The following SOHLH2 variants were observed in gnomAD, a reference collection of about 807,000 sequenced individuals.
SOHLH2 encodes spermatogenesis and oogenesis specific basic helix-loop-helix 2, also known as spermatogenesis- and oogenesis-specific basic helix-loop-helix-containing protein 2.
In SOHLH2, 22 loss-of-function variants were observed where a neutral mutation model predicts 50.4. That is an observed-to-expected ratio of 0.44 (90% CI 0.31 to 0.62). SOHLH2 has a LOEUF of 0.62. Ranked by LOEUF, SOHLH2 falls within the 20% of genes least tolerant of loss-of-function variation. The pLI, the probability that SOHLH2 is intolerant of heterozygous loss-of-function variation, is 0.08. For missense variants in SOHLH2, 412 were observed against 504.4 expected (o/e 0.82, Z 1.76); for synonymous variants, 185 against 187.3 (o/e 0.99, Z 0.10).
At position 36,169,005 on chromosome 13, in the gene SOHLH2, T is replaced by C; in HGVS notation, c.*29A>G. On this transcript the variant is annotated 3_prime_UTR_variant, in exon 11 of 11. Coordinates refer to ENST00000379881, the MANE Select transcript of SOHLH2 (RefSeq NM_017826.3). Reference sequence around the variant, plus strand: ...TTGTCAAACTGCGCCCAGTAGGTGGTTGAGAGTGTGAATTTCAAACATGTG... The same window carrying C: ...TTGTCAAACTGCGCCCAGTAGGTGGCTGAGAGTGTGAATTTCAAACATGTG... 4 of 1,604,054 alleles carry C rather than the reference T, an allele frequency of 2.5e-6. No individual in the cohort carries two copies. The highest frequency in any genetic ancestry group is 3.4e-6 in the Non-Finnish European group (4 of 1,176,956).
chr13:36,173,561 C>T (rs1014483324), intron 9 of SOHLH2, 131 bp downstream of exon 9: 3 of 1,055,166 alleles, frequency 2.8e-6, no homozygotes, highest in African/African-American at 3.2e-5. Context: ...GTACCTGAGG[C>T]TGACAATACC....
chr13:36,173,546 C>A, intron 9 of SOHLH2, 146 bp downstream of exon 9: 1 of 924,296 alleles, frequency 1.1e-6, no homozygotes, highest in Non-Finnish European at 1.6e-6. Context: ...CTGTAGCCAC[C>A]TTGTGTACCT....
chr13:36,197,851 C>T, intron 2 of SOHLH2, among the ~76,000 whole-genome samples: 1 of 152,180 alleles, frequency 6.6e-6, no homozygotes, highest in East Asian at 1.9e-4. Flanking sequence ...TTATAAAGAC[C>T]TGGAGTTGTC....
chr13:36,188,604 G>T (rs537814724), intron 6 of SOHLH2, among the ~76,000 whole-genome samples: 1 of 152,226 alleles, frequency 6.6e-6, no homozygotes, highest in South Asian at 2.1e-4. Context: ...AACCTTACTT[G>T]ATCTCTCTGC....
chr13:36,209,781 T>C (rs1001423698), intron 1 of SOHLH2, among the ~76,000 whole-genome samples: 1 of 152,228 alleles, frequency 6.6e-6, no homozygotes, highest in East Asian at 1.9e-4. Context: ...TGTCAATCCT[T>C]TGTTTCCAAA....
At chr13:36,211,911 C>G (rs948544085) in intron 1 of SOHLH2, among the ~76,000 whole-genome samples, 3 of 152,084 alleles carry the variant, frequency 2.0e-5, no homozygotes, top group Non-Finnish European at 4.4e-5. Context: ...TCACAGTGCT[C>G]AGGAAACAGG....
intron 2 of SOHLH2, among the ~76,000 whole-genome samples, chr13:36,201,408 A>C (rs1868408263): frequency 6.6e-6 from 1 of 152,202 alleles, no homozygotes; most frequent in South Asian, 2.1e-4. Context: ...ATAATTCCTT[A>C]TAATAAAATA....
intron 1 of SOHLH2, among the ~76,000 whole-genome samples, chr13:36,207,110 TAC>T (rs1300170168): frequency 1.3e-5 from 2 of 152,032 alleles, no homozygotes; most frequent in Admixed American, 1.3e-4. Context: ...TAATTGAATT[TAC>T]AGTTTTTACA....
intron 2 of SOHLH2, among the ~76,000 whole-genome samples, chr13:36,201,071 AG>A (rs368106450): frequency 6.8e-6 from 1 of 147,662 alleles, no homozygotes; most frequent in Admixed American, 6.8e-5. Context: ...AAAAAAAAAA[AG>A]AAAAGAAAAG....
Position 36,168,842 on chromosome 13 carries a change from G to T in SOHLH2, c.*192C>A. 1 of 910,872 alleles carries T rather than the reference G, an allele frequency of 1.1e-6. No individual in the cohort carries two copies. The highest frequency in any genetic ancestry group is 1.5e-6 in the Non-Finnish European group (1 of 652,768). The allele number at this position is 910,872 out of a possible 1,614,324, so 56.4% of individuals were successfully genotyped here. A position where few individuals can be genotyped will look rare whatever the true frequency, so the allele number is the denominator to read the frequency against. On this transcript the variant is annotated 3_prime_UTR_variant, in exon 11 of 11. Transcript: ENST00000379881. ...GTATGAAGATGAGTGACAGTGTGTG[G>T]CCAGCTTTTTCGCTGCTGGTCTTTC...
At chr13:36,207,713 C>T (rs1445227608) in intron 1 of SOHLH2, among the ~76,000 whole-genome samples, 2 of 152,138 alleles carry the variant, frequency 1.3e-5, no homozygotes, top group Non-Finnish European at 2.9e-5. Context: ...CTCGTGTCTC[C>T]TAGTTTCTTC....
chr13:36,174,139 C>A (rs1181486249), intron 8 of SOHLH2, among the ~76,000 whole-genome samples: 1 of 152,174 alleles, frequency 6.6e-6, no homozygotes, highest in African/African-American at 2.4e-5. Flanking sequence ...GGGCCCGAGA[C>A]CTCTCCACAA....
chr13:36,188,424 G>A (rs908534661), intron 6 of SOHLH2, among the ~76,000 whole-genome samples: 9 of 152,036 alleles, frequency 5.9e-5, no homozygotes, highest in East Asian at 3.9e-4. Context: ...TCAAAATCTC[G>A]TACTTTACCC....
At chr13:36,188,934 T>C (rs1213567569) in intron 6 of SOHLH2, among the ~76,000 whole-genome samples, 1 of 152,156 alleles carries the variant, frequency 6.6e-6, no homozygotes, top group African/African-American at 2.4e-5. Context: ...GGGCCAACTC[T>C]GCACTCCAAG....
chr13:36,214,412 G>T (rs890363340), intron 1 of SOHLH2, 67 bp downstream of exon 1: 95 of 1,562,248 alleles, frequency 6.1e-5, no homozygotes, highest in Non-Finnish European at 7.9e-5. Flanking sequence ...GGGCCGAGGG[G>T]ACCACCGACC....
At position 36,201,946 on chromosome 13, in the gene SOHLH2, T is replaced by C. The variant is rs779876860; in HGVS notation, c.196A>G (p.Asn66Asp). ...GAAGGCACCTTCAAGAGAACCATGT[T>C]GAATATGCAATCATCCAAAAGCGCT... ...AAALLDDCIFNMVLLKVPSSL... is the reference protein window; with the variant it reads ...AAALLDDCIFDMVLLKVPSSL... The change falls in exon 2 of 11, where the codon AAC becomes GAC. Residue 66 changes from asparagine (N) to aspartate (D), a missense_variant. By Grantham distance (23) the Asn-to-Asp change is conservative. Coordinates refer to ENST00000379881, the MANE Select transcript of SOHLH2 (RefSeq NM_017826.3). The C allele has an allele frequency of 1.9e-6, 3 of 1,614,232 alleles. No homozygotes were observed. The highest frequency in any genetic ancestry group is 2.2e-5 in the South Asian group (2 of 91,084).
chr13:36,183,170 A>T (rs1488805698), intron 6 of SOHLH2: 1 of 388,300 alleles, frequency 2.6e-6, no homozygotes, highest in East Asian at 7.3e-5. Flanking sequence ...CTCACCAGAA[A>T]CAGAAGCTGC....
chr13:36,169,562 G>GCC (rs1886906983), intron 10 of SOHLH2, among the ~76,000 whole-genome samples: 1 of 152,160 alleles, frequency 6.6e-6, no homozygotes, highest in South Asian at 2.1e-4. Flanking sequence ...CAGAGTATTT[G>GCC]GCACTATTAG....
At chr13:36,196,370 C>T (rs188643321) in intron 2 of SOHLH2, among the ~76,000 whole-genome samples, 302 of 152,182 alleles carry the variant, frequency 2.0e-3, no homozygotes, top group Non-Finnish European at 3.5e-3. Flanking sequence ...AGGCAATCTT[C>T]CCGCTTCAAC....
Sources: gnomAD v4.1 joint callset for allele counts (sites outside exome capture counted in the v4.1 genomes callset) on GRCh38, gnomAD v4.1.1 for gene constraint, MANE v1.5 for transcripts, NCBI Gene and HGNC (gene_info 2026-07-23, HGNC 2026-07-21) for gene names.